Variants in TXNRD2 observed in about 807,000 individuals in gnomAD.
The protein encoded by TXNRD2 is thioredoxin reductase 2, mitochondrial.
TXNRD2 carries 67 observed loss-of-function variants against 70.8 expected under a neutral mutation model. That is an observed-to-expected ratio of 0.95 (90% CI 0.78 to 1.16). TXNRD2 has a LOEUF of 1.16. Among genes scored for constraint, TXNRD2 ranks in the 50% most tolerant of loss-of-function variants. TXNRD2 has a pLI of 0.00. For synonymous variants in TXNRD2, 301 were observed against 295.8 expected, an observed-to-expected ratio of 1.02 and a Z score of -0.18; for missense variants, 644 against 719.9, an observed-to-expected ratio of 0.89 and a Z score of 1.21.
At chr22:19,891,687 T>G (rs1260188630) in intron 11 of TXNRD2, 1 of 152,242 alleles carries the variant, frequency 6.6e-6, no homozygotes, top group Admixed American at 6.5e-5. Flanking sequence ...CTGTCTTCAC[T>G]CAGCGCTGTA....
At chr22:19,936,216 C>T (rs978191005) in intron 1 of TXNRD2, among the ~76,000 whole-genome samples, 7 of 152,122 alleles carry the variant, frequency 4.6e-5, no homozygotes, top group African/African-American at 1.7e-4. Context: ...CCCGTGACAC[C>T]CTGCAGTTAC....
At chr22:19,915,322 A>T in intron 6 of TXNRD2, 46 bp from the exon 7 acceptor site, 1 of 1,590,464 alleles carries the variant, frequency 6.3e-7, no homozygotes, top group Admixed American at 1.7e-5. Context: ...GTGCATGGTG[A>T]TCACCCCACC....
chr22:19,906,071 C>G (rs1050084992), intron 8 of TXNRD2, among the ~76,000 whole-genome samples: 1 of 152,040 alleles, frequency 6.6e-6, no homozygotes, highest in East Asian at 1.9e-4. Context: ...CTGAGAAAAT[C>G]TGCACCACAA....
In TXNRD2 at chr22:19,881,198, C is replaced by T. The variant is rs1938758267; in HGVS notation, c.1087-481G>A. On this transcript the variant is annotated intron_variant, in intron 12 of 17. Coordinates refer to ENST00000400521, the MANE Select transcript of TXNRD2 (RefSeq NM_006440.5). ...TAACAAATTCCAAATCAGAATGTCG[C>T]TGTGCTGGAGATCCCTCCGTCCCAG... 1.2e-5 allele frequency: 5 copies of T among 406,586 alleles called. No homozygotes were observed. In the East Asian group the frequency reaches 1.8e-4, roughly 14 times the overall value. 25.2% of individuals were successfully genotyped at this position (406,586 alleles called of 1,614,324 possible).
At chr22:19,892,068 C>T (rs1339287290) in intron 11 of TXNRD2, among the ~76,000 whole-genome samples, 1 of 152,226 alleles carries the variant, frequency 6.6e-6, no homozygotes, top group Non-Finnish European at 1.5e-5. Context: ...GGCACGGAGG[C>T]ATCCCCCCTT....
chr22:19,877,107 ACCC>A lies in TXNRD2; in HGVS notation c.1570_1572del (p.Gly524del). 6.3e-7 allele frequency: 1 copy of A among 1,597,156 alleles called. No individual in the cohort carries two copies. Among genetic ancestry groups the A allele is most frequent in the Non-Finnish European group, 8.6e-7 (1 of 1,167,464 alleles). The stretch of plus-strand genomic sequence containing the variant: ...GCCCTGGCCTGCAGGGATGGCGCTT[ACCC>A]TCAGCAGCCTGTCACCGTGGGGTCC... On this transcript the variant is annotated inframe_deletion, in exon 17 of 18. Coordinates refer to ENST00000400521, the MANE Select transcript of TXNRD2 (RefSeq NM_006440.5).
intron 2 of TXNRD2, among the ~76,000 whole-genome samples, chr22:19,924,629 G>A (rs930230836): frequency 3.3e-5 from 5 of 152,200 alleles, no homozygotes; most frequent in Non-Finnish European, 7.3e-5. Context: ...CAATACAGGA[G>A]ATGAAAAATA....
At chr22:19,924,968 T>A (rs1458823420) in intron 2 of TXNRD2, among the ~76,000 whole-genome samples, 1 of 146,464 alleles carries the variant, frequency 6.8e-6, no homozygotes, top group Non-Finnish European at 1.5e-5. Flanking sequence ...AGGGGCAAAA[T>A]TTTTAAAGTA....
chr22:19,916,298 T>C (rs1297533616), intron 5 of TXNRD2: 5 of 208,970 alleles, frequency 2.4e-5, no homozygotes, highest in Non-Finnish European at 2.0e-5. Context: ...GCTGGGAGCA[T>C]AGTGCACAGA....
chr22:19,937,372 A>G (rs373975315), intron 1 of TXNRD2, among the ~76,000 whole-genome samples: 14 of 152,302 alleles, frequency 9.2e-5, no homozygotes, highest in African/African-American at 3.1e-4. Flanking sequence ...CAGGGTCACA[A>G]TGAATTATAT....
intron 5 of TXNRD2, among the ~76,000 whole-genome samples, chr22:19,916,702 T>G (rs1464644416): frequency 1.3e-5 from 2 of 151,014 alleles, no homozygotes; most frequent in African/African-American, 4.9e-5. Flanking sequence ...TGCAGTGGCA[T>G]GATCATAGCT....
intron 5 of TXNRD2, among the ~76,000 whole-genome samples, chr22:19,916,642 C>CT (rs67716689): frequency 1.1e-3 from 139 of 129,232 alleles, no homozygotes; most frequent in East Asian, 6.3e-3. Flanking sequence ...GCGCCCCACC[C>CT]TTTTTTTTTT....
At chr22:19,881,667 A>T (rs1938787435) in intron 12 of TXNRD2, among the ~76,000 whole-genome samples, 1 of 152,260 alleles carries the variant, frequency 6.6e-6, no homozygotes, top group African/African-American at 2.4e-5. Flanking sequence ...TCAGATTCCC[A>T]GACAGAAGGG....
Position 19,895,491 on chromosome 22 carries a change from C to G in TXNRD2, c.865G>C (p.Asp289His), listed in dbSNP as rs1939463686. The G allele has an allele frequency of 6.2e-7, 1 of 1,613,996 alleles. No individual in the cohort carries two copies. Among genetic ancestry groups the G allele is most frequent in the Non-Finnish European group, 8.5e-7 (1 of 1,180,036 alleles). ...CAPSRVRRLP[D>H]GQLQVTWEDS... is the part of the protein sequence containing the mutation. ...TCCCAGGTGACCTGCAGCTGGCCAT[C>G]AGGGAGCCTCCTGACCCGCGAGGGG... Residue 289 changes from aspartate (D) to histidine (H), a missense_variant, in exon 11 of 18, where the codon GAT becomes CAT. By Grantham distance (81) the Asp-to-His change is moderately conservative (BLOSUM62 -1). Around this residue, in one of 3 missense-constraint regions of TXNRD2, gnomAD observed 566 missense variants for 645.0 expected, o/e 0.88. Transcript: ENST00000400521.
rs572656158 is a variant in TXNRD2, at chr22:19,883,429, C to T, written c.982G>A (p.Glu328Lys). ...RVPDTRSLNL[E>K]KAGVDTSPDT... ...GGGCTAGTATCTACCCCAGCCTTCT[C>T]CAAATTCAGACTTCTGGTGTCTGGG... The change falls in exon 12 of 18, where the codon GAG (glutamate) becomes AAG (lysine). Residue 328 changes from glutamate (E) to lysine (K), a missense_variant. Transcript: ENST00000400521. 6.2e-7 allele frequency: 1 copy of T among 1,614,062 alleles called. No individual in the cohort carries two copies. Among genetic ancestry groups the T allele is most frequent in the African/African-American group, 1.3e-5 (1 of 75,064 alleles).
In TXNRD2 at chr22:19,930,988, A is replaced by G. The variant is rs1373094040; in HGVS notation, c.172+42T>C. ...CAGCACCACCCTCTCTAGGGGCCCT[A>G]AAAGCTTCGAGGCCTTGCCACGAAG... On this transcript the variant is annotated intron_variant, in intron 2 of 17. Coordinates refer to ENST00000400521, the MANE Select transcript of TXNRD2 (RefSeq NM_006440.5). 1.9e-6 allele frequency: 3 copies of G among 1,593,690 alleles called. 1 individual carries two copies. The highest frequency in any genetic ancestry group is 3.3e-4 in the Middle Eastern group (2 of 6,044).
At chr22:19,877,938 C>T in intron 16 of TXNRD2, 152 bp downstream of exon 16, 2 of 726,452 alleles carry the variant, frequency 2.8e-6, no homozygotes, top group Non-Finnish European at 4.9e-6. Context: ...AAAACCCGCC[C>T]TGTCTGAGGG....
intron 2 of TXNRD2, among the ~76,000 whole-genome samples, chr22:19,930,728 C>T (rs971046937): frequency 1.3e-5 from 2 of 152,166 alleles, no homozygotes; most frequent in Non-Finnish European, 2.9e-5. Context: ...GTGGGGAGCC[C>T]ACGGAGGGTG....
intron 1 of TXNRD2, among the ~76,000 whole-genome samples, chr22:19,938,383 C>T (rs573174046): frequency 6.6e-6 from 1 of 152,316 alleles, no homozygotes; most frequent in South Asian, 2.1e-4. Context: ...CTGGGATGGG[C>T]TCCAGCGGTG....
Sources: allele counts gnomAD v4.1 joint callset (sites outside exome capture counted in the v4.1 genomes callset), GRCh38; gene constraint gnomAD v4.1.1; regional missense constraint gnomAD v4.1.1; transcripts MANE v1.5; gene names NCBI Gene and HGNC (gene_info 2026-07-23, HGNC 2026-07-21).